The following DCLK2 variants were observed in gnomAD, a reference collection of about 807,000 sequenced individuals.
DCLK2 encodes doublecortin like kinase 2.
In DCLK2, 31 loss-of-function variants were observed where a neutral mutation model predicts 78.4. The ratio of observed to expected loss-of-function variants is 0.40; its 90% CI spans 0.30 to 0.53. The LOEUF is 0.53. DCLK2 is among the 20% of genes least tolerant of loss of function. DCLK2 has a pLI of 0.61. For missense variants in DCLK2, 872 were observed against 973.7 expected (o/e 0.90, Z 1.39); for synonymous variants, 407 against 374.9 (o/e 1.09, Z -0.99).
intron 5 of DCLK2, 91 bp downstream of exon 5, chr4:150,203,980 A>C (rs1739651498): frequency 8.5e-7 from 1 of 1,176,636 alleles, no homozygotes; most frequent in African/African-American, 1.5e-5. Context: ...GCTTGAGTAC[A>C]GTAGCAAATT....
intron 5 of DCLK2, among the ~76,000 whole-genome samples, chr4:150,209,085 TC>T (rs1490470948): frequency 6.6e-6 from 1 of 152,234 alleles, no homozygotes; most frequent in Non-Finnish European, 1.5e-5. Context: ...AGATCAGTCT[TC>T]TTAAACAAAT....
At position 150,224,496 on chromosome 4, in the gene DCLK2, C is replaced by T; in HGVS notation, c.1242-5C>T. ...TTAAATGGTCTTCCTCTGATTATTC[C>T]ATAGGTCCACTGGAAAGGAGTTTGC... On this transcript the variant is annotated splice_polypyrimidine_tract_variant and splice_region_variant and intron_variant, in intron 7 of 15. Coordinates refer to ENST00000296550, the MANE Select transcript of DCLK2 (RefSeq NM_001040260.4). 1 of 1,607,918 alleles carries T rather than the reference C, an allele frequency of 6.2e-7. No individual in the cohort carries two copies. The highest frequency in any genetic ancestry group is 8.5e-7 in the Non-Finnish European group (1 of 1,177,434).
chr4:150,088,505 A>C (rs1184999680), intron 1 of DCLK2, among the ~76,000 whole-genome samples: 1 of 151,104 alleles, frequency 6.6e-6, no homozygotes, highest in Non-Finnish European at 1.5e-5. Flanking sequence ...CTAGAGACAG[A>C]GTCTTTGTTG....
intron 1 of DCLK2, among the ~76,000 whole-genome samples, chr4:150,092,107 G>A (rs1379849436): frequency 6.6e-6 from 1 of 151,806 alleles, no homozygotes; most frequent in Non-Finnish European, 1.5e-5. Context: ...TGTCCCCCAG[G>A]TTTGTCCATG....
chr4:150,149,645 A>G (rs1275520364), intron 2 of DCLK2, among the ~76,000 whole-genome samples: 1 of 152,210 alleles, frequency 6.6e-6, no homozygotes, highest in African/African-American at 2.4e-5. Flanking sequence ...GACTAACTTA[A>G]GGTCATTTGG....
intron 15 of DCLK2, among the ~76,000 whole-genome samples, chr4:150,255,069 C>T (rs1296526173): frequency 6.6e-6 from 1 of 152,174 alleles, no homozygotes; most frequent in African/African-American, 2.4e-5. Context: ...AGGCCGCCAC[C>T]CAAGTTCATC....
rs546246349 is a variant in DCLK2 at position 150,237,128 on chromosome 4, A to G, written c.1567-2614A>G. Among the ~76,000 whole-genome samples, 4 of 152,184 alleles carry G rather than the reference A, an allele frequency of 2.6e-5. No homozygotes were observed. In the South Asian group the frequency reaches 8.3e-4, roughly 32 times the overall value. On this transcript the variant is annotated intron_variant, in intron 10 of 15. Coordinates refer to ENST00000296550, the MANE Select transcript of DCLK2 (RefSeq NM_001040260.4). Reference sequence around the variant, plus strand: ...AAAACTTTTTTTTTTAACTCTCATGATGCAGACAGTTAGGAATTTGTGCTT... The same window carrying G: ...AAAACTTTTTTTTTTAACTCTCATGGTGCAGACAGTTAGGAATTTGTGCTT...
chr4:150,095,555 G>C (rs1057475247), intron 1 of DCLK2, among the ~76,000 whole-genome samples: 2 of 152,240 alleles, frequency 1.3e-5, no homozygotes, highest in South Asian at 4.1e-4. Context: ...TCTGATCTTT[G>C]GCTGTTGAGC....
At position 150,177,897 on chromosome 4, in the gene DCLK2, G is replaced by A. The variant is rs1258291216; in HGVS notation, c.757-15241G>A. On this transcript the variant is annotated intron_variant, in intron 2 of 15. Transcript: ENST00000296550. ...CTTGACAGAATTGTCCTGGGTTGGT[G>A]GGGAAGGAAGCAGGGCACTGGGGCT... 2.0e-5 allele frequency among the ~76,000 whole-genome samples: 3 copies of A among 152,162 alleles called. No homozygotes were observed. The East Asian group carries it at 5.8e-4, about 29-fold the overall frequency.
chr4:150,169,077 G>C (rs1001373720), intron 2 of DCLK2, among the ~76,000 whole-genome samples: 9 of 147,782 alleles, frequency 6.1e-5, no homozygotes, highest in African/African-American at 2.0e-4. Context: ...TTGTGTTTCT[G>C]TTGGTTAGAT....
In DCLK2 at chr4:150,250,687, C is replaced by A. The variant is rs568105830; in HGVS notation, c.2073+1003C>A. ...GGGCCACCTCCACAGCTCCGTCACT[C>A]GTACTTGGGACAGGCCTCTCATCCT... On this transcript the variant is annotated intron_variant, in intron 15 of 15. Coordinates refer to ENST00000296550, the MANE Select transcript of DCLK2 (RefSeq NM_001040260.4). 2.6e-4 allele frequency among the ~76,000 whole-genome samples: 39 copies of A among 151,774 alleles called. 1 individual carries two copies. In the South Asian group the frequency reaches 7.9e-3, roughly 31 times the overall value.
chr4:150,104,122 A>T (rs1731070708), intron 2 of DCLK2, among the ~76,000 whole-genome samples: 1 of 152,154 alleles, frequency 6.6e-6, no homozygotes, highest in African/African-American at 2.4e-5. Context: ...TCACCAATTT[A>T]GGGGAAAAAG....
At chr4:150,103,452 C>G (rs1731024131) in intron 2 of DCLK2, among the ~76,000 whole-genome samples, 1 of 152,062 alleles carries the variant, frequency 6.6e-6, no homozygotes, top group Non-Finnish European at 1.5e-5. Context: ...ACATGAATAG[C>G]CGTTAGGTAA....
At chr4:150,234,495 G>T (rs900967233) in intron 10 of DCLK2, among the ~76,000 whole-genome samples, 1 of 152,210 alleles carries the variant, frequency 6.6e-6, no homozygotes, top group African/African-American at 2.4e-5. Context: ...TCTACAGCCT[G>T]CTGTGAGCAC....
intron 6 of DCLK2, among the ~76,000 whole-genome samples, 164 bp from the exon 7 acceptor site, chr4:150,221,513 T>C (rs1741186672): frequency 6.6e-6 from 1 of 152,176 alleles, no homozygotes; most frequent in South Asian, 2.1e-4. Flanking sequence ...TAAAAGGAAA[T>C]TGGTGATTCA....
intron 12 of DCLK2, among the ~76,000 whole-genome samples, chr4:150,244,219 G>A (rs1743137722): frequency 6.6e-6 from 1 of 152,132 alleles, no homozygotes; most frequent in Non-Finnish European, 1.5e-5. Flanking sequence ...ATAGGTGTGA[G>A]CCACTGTGCC....
chr4:150,246,593 A>G (rs1209757530), intron 12 of DCLK2, among the ~76,000 whole-genome samples: 2 of 152,220 alleles, frequency 1.3e-5, no homozygotes, highest in Admixed American at 6.5e-5. Context: ...CCAACAGCCC[A>G]TTCTGAGCTT....
rs559681203 is a variant in DCLK2, at chr4:150,254,964, C to T, written c.2074-1056C>T. ...AAGTGCTGGGATTACAGGTGTGAGC[C>T]ACTGCACCCGGCCAGAAATGGATGA... On this transcript the variant is annotated intron_variant, in intron 15 of 15. Coordinates refer to ENST00000296550, the MANE Select transcript of DCLK2 (RefSeq NM_001040260.4). Among the ~76,000 whole-genome samples, 6 of 152,286 alleles carry T rather than the reference C, an allele frequency of 3.9e-5. No individual in the cohort carries two copies. The East Asian group carries it at 1.2e-3, about 29-fold the overall frequency.
rs200730503 is a variant in DCLK2 at position 150,174,997 on chromosome 4, C to CAA, written c.757-18127_757-18126dup. Among the ~76,000 whole-genome samples the CAA allele has an allele frequency of 3.5e-3, 12 of 3,430 alleles. 4 individuals carry two copies. The highest frequency in any genetic ancestry group is 0.013 in the East Asian group (5 of 398). The allele number at this position is 3,430 out of a possible 152,430, so 2.3% of individuals were successfully genotyped here. ...TGGGTGATGGAGTGAGACTCCGTCG[C>CAA]AAAAAAAAAAAAAAATATATATATA... On this transcript the variant is annotated intron_variant, in intron 2 of 15. Coordinates refer to ENST00000296550, the MANE Select transcript of DCLK2 (RefSeq NM_001040260.4).
Sources: allele counts gnomAD v4.1 joint callset (sites outside exome capture counted in the v4.1 genomes callset), GRCh38; gene constraint gnomAD v4.1.1; transcripts MANE v1.5; gene names NCBI Gene and HGNC (gene_info 2026-07-23, HGNC 2026-07-21).